XKR9: variants seen among roughly 807,000 people sequenced by gnomAD.
The protein encoded by XKR9 is XK-related protein 9.
Under a neutral mutation model 32.0 loss-of-function variants are expected in XKR9, and 32 were observed. The observed-to-expected ratio is 1.00, with a 90% confidence interval of 0.76 to 1.34. The LOEUF (loss-of-function observed/expected upper bound fraction) is 1.34. Ranked by LOEUF, XKR9 falls within the 40% of genes most tolerant of loss-of-function variation. The probability of loss-of-function intolerance (pLI) is 0.00; values close to 1 mark genes in which losing one functional copy is unlikely to be tolerated. For synonymous variants in XKR9, 168 were observed against 143.4 expected (o/e 1.17, Z -1.22); for missense variants, 546 against 429.7 (o/e 1.27, Z -2.39).
the XKR9 span, among the ~76,000 whole-genome samples, chr8:71,010,173 T>C: frequency 0.43 from 65,124 of 152,028 alleles, 15,090 homozygotes; most frequent in Non-Finnish European, 0.53. Flanking sequence ...GTGAAAACAT[T>C]CCTATTGGTA....
the XKR9 span, among the ~76,000 whole-genome samples, chr8:70,804,793 A>G: frequency 0.68 from 102,930 of 152,134 alleles, 35,327 homozygotes; most frequent in Admixed American, 0.74. Flanking sequence ...TTTTGTTATC[A>G]TTTTTGTCTT....
At chr8:71,018,969 A>G in the XKR9 span, among the ~76,000 whole-genome samples, 1 of 152,210 alleles carries the variant, frequency 6.6e-6, no homozygotes, top group African/African-American at 2.4e-5. Context: ...TGGAACAAAA[A>G]GACTGAGAAA....
intron 1 of XKR9, among the ~76,000 whole-genome samples, chr8:70,673,866 G>A (rs1563414242): frequency 6.6e-6 from 1 of 152,056 alleles, no homozygotes; most frequent in Non-Finnish European, 1.5e-5. Context: ...TATTTTTCAC[G>A]TTCTGTTCAG....
At chr8:70,846,210 C>T in the XKR9 span, among the ~76,000 whole-genome samples, 1 of 151,956 alleles carries the variant, frequency 6.6e-6, no homozygotes, top group Non-Finnish European at 1.5e-5. Context: ...CAAAGTTATC[C>T]TTCATAAATG....
chr8:71,048,324 C>T, the XKR9 span, among the ~76,000 whole-genome samples: 3 of 152,328 alleles, frequency 2.0e-5, no homozygotes, highest in East Asian at 1.9e-4. Flanking sequence ...TTCATTGTCA[C>T]ACCACATCGT....
the XKR9 span, among the ~76,000 whole-genome samples, chr8:70,850,393 G>A: frequency 1.3e-5 from 2 of 150,106 alleles, no homozygotes; most frequent in African/African-American, 2.5e-5. Flanking sequence ...GAACCCAGGA[G>A]GCAGAGCTTG....
At chr8:70,685,205 T>A (rs2132119315) in intron 3 of XKR9, among the ~76,000 whole-genome samples, 1 of 150,054 alleles carries the variant, frequency 6.7e-6, no homozygotes, top group East Asian at 2.0e-4. Context: ...GGGACATGGG[T>A]GAAATTGGAA....
the XKR9 span, among the ~76,000 whole-genome samples, chr8:70,954,383 C>T: frequency 3.9e-5 from 6 of 152,164 alleles, no homozygotes; most frequent in African/African-American, 9.7e-5. Flanking sequence ...AAAGTCACCA[C>T]GTAGGTGCAT....
At chr8:71,014,791 T>G in the XKR9 span, among the ~76,000 whole-genome samples, 3 of 152,178 alleles carry the variant, frequency 2.0e-5, no homozygotes, top group Non-Finnish European at 4.4e-5. Flanking sequence ...ATCAAATGCT[T>G]TAAGTTAGTC....
At chr8:70,775,583 T>C (rs1282419844) in intron 2 of XKR9, among the ~76,000 whole-genome samples, 1 of 152,182 alleles carries the variant, frequency 6.6e-6, no homozygotes, top group Non-Finnish European at 1.5e-5. Context: ...TTTAATTTGG[T>C]TAGTATGGTG....
the XKR9 span, among the ~76,000 whole-genome samples, chr8:70,979,356 C>A: frequency 1.3e-5 from 2 of 152,170 alleles, 1 homozygote; most frequent in African/African-American, 4.8e-5. Context: ...GCTCTGGTTT[C>A]TCTCCATCTT....
chr8:70,909,687 C>A, the XKR9 span, among the ~76,000 whole-genome samples: 1 of 149,568 alleles, frequency 6.7e-6, no homozygotes, highest in East Asian at 1.9e-4. Context: ...ACAAATGAAA[C>A]CCAGTTCGAT....
At chr8:70,886,611 G>A in the XKR9 span, among the ~76,000 whole-genome samples, 1 of 151,878 alleles carries the variant, frequency 6.6e-6, no homozygotes, top group Non-Finnish European at 1.5e-5. Flanking sequence ...ATCTCATTGT[G>A]GTTTTGATTT....
At chr8:71,021,651 C>T in the XKR9 span, among the ~76,000 whole-genome samples, 15 of 152,008 alleles carry the variant, frequency 9.9e-5, no homozygotes, top group South Asian at 4.2e-4. Flanking sequence ...TACAGGCACG[C>T]GCCACCATGC....
chr8:70,713,851 A>G (rs371826004), intron 4 of XKR9, among the ~76,000 whole-genome samples: 2 of 152,140 alleles, frequency 1.3e-5, no homozygotes, highest in African/African-American at 4.8e-5. Context: ...TATGAAAAAA[A>G]TTAGGTATTG....
the XKR9 span, among the ~76,000 whole-genome samples, chr8:71,003,446 C>CT: frequency 3.8e-3 from 572 of 149,682 alleles, 5 homozygotes; most frequent in African/African-American, 0.012. Context: ...TTTTCAGTTT[C>CT]TTTTTTTTTT....
At chr8:71,033,023 G>C in the XKR9 span, among the ~76,000 whole-genome samples, 1 of 151,536 alleles carries the variant, frequency 6.6e-6, no homozygotes, top group African/African-American at 2.4e-5. Flanking sequence ...GGTGGAGGTT[G>C]CAGTGAGCCG....
downstream of XKR9, among the ~76,000 whole-genome samples, chr8:70,791,960 T>G (rs1369925653): frequency 6.6e-6 from 1 of 152,070 alleles, no homozygotes; most frequent in African/African-American, 2.4e-5. Flanking sequence ...AGTAAGTAAG[T>G]AAGCCAGGCT....
chr8:70,750,674 T>C (rs993136415), intron 2 of XKR9, among the ~76,000 whole-genome samples: 1 of 152,240 alleles, frequency 6.6e-6, no homozygotes, highest in Non-Finnish European at 1.5e-5. Context: ...AGTATAAAAT[T>C]CAATGGTTTT....
Sources: allele counts gnomAD v4.1 joint callset (sites outside exome capture counted in the v4.1 genomes callset), GRCh38; gene constraint gnomAD v4.1.1; transcripts MANE v1.5; gene names NCBI Gene and HGNC (gene_info 2026-07-23, HGNC 2026-07-21).